LRRC4C: variants seen among roughly 807,000 people sequenced by gnomAD.
The protein encoded by LRRC4C is leucine rich repeat containing 4C.
Under a neutral mutation model 33.6 loss-of-function variants are expected in LRRC4C, and 5 were observed. That is an observed-to-expected ratio of 0.15 (90% CI 0.08 to 0.31). The LOEUF (loss-of-function observed/expected upper bound fraction) is 0.31. Ranked by LOEUF, LRRC4C falls within the 10% of genes least tolerant of loss-of-function variation. LRRC4C has a pLI of 1.00. For missense variants in LRRC4C, 560 were observed against 796.7 expected (o/e 0.70, Z 3.58); for synonymous variants, 329 against 302.0 (o/e 1.09, Z -0.93).
intron 2 of LRRC4C, among the ~76,000 whole-genome samples, chr11:40,778,837 T>C (rs990745024): frequency 2.0e-5 from 3 of 151,528 alleles, no homozygotes; most frequent in East Asian, 1.9e-4. Flanking sequence ...TATCCAATGG[T>C]ACCTAGAATT....
At chr11:40,528,965 T>C (rs1384234128) in intron 3 of LRRC4C, among the ~76,000 whole-genome samples, 4 of 152,034 alleles carry the variant, frequency 2.6e-5, no homozygotes, top group Non-Finnish European at 5.9e-5. Flanking sequence ...GAACAGAATA[T>C]AGGTTACCAG....
chr11:41,219,424 G>T (rs1160990246), intron 1 of LRRC4C, among the ~76,000 whole-genome samples: 2 of 152,192 alleles, frequency 1.3e-5, no homozygotes, highest in Non-Finnish European at 2.9e-5. Flanking sequence ...AAGAGTAAGA[G>T]AGGAAGTTTA....
intron 5 of LRRC4C, among the ~76,000 whole-genome samples, chr11:40,221,852 G>A (rs1864443419): frequency 6.6e-6 from 1 of 151,946 alleles, no homozygotes; most frequent in Non-Finnish European, 1.5e-5. Context: ...CCTCTCAAGT[G>A]CACCCCCTTA....
chr11:40,781,585 T>C (rs1950212307), intron 2 of LRRC4C, among the ~76,000 whole-genome samples: 1 of 152,182 alleles, frequency 6.6e-6, no homozygotes. Context: ...AATAGTTCCT[T>C]TACCTACAAG....
intron 1 of LRRC4C, among the ~76,000 whole-genome samples, chr11:41,279,275 T>G (rs1949578190): frequency 6.6e-6 from 1 of 151,874 alleles, no homozygotes; most frequent in South Asian, 2.1e-4. Flanking sequence ...AACATATGAG[T>G]GTTTTGTGTT....
chr11:40,721,456 A>G (rs1947009828), intron 2 of LRRC4C, among the ~76,000 whole-genome samples: 1 of 152,216 alleles, frequency 6.6e-6, no homozygotes, highest in Admixed American at 6.5e-5. Flanking sequence ...CACCCAGTCT[A>G]AGGTAATTTG....
At chr11:40,814,129 C>T (rs1240630385) in intron 2 of LRRC4C, among the ~76,000 whole-genome samples, 1 of 152,236 alleles carries the variant, frequency 6.6e-6, no homozygotes, top group African/African-American at 2.4e-5. Flanking sequence ...CCACATTTCC[C>T]TTCTGCCCTG....
At chr11:41,250,191 C>CA (rs1050621885) in intron 1 of LRRC4C, among the ~76,000 whole-genome samples, 6 of 151,780 alleles carry the variant, frequency 4.0e-5, no homozygotes, top group Non-Finnish European at 7.4e-5. Context: ...AAACAAACAA[C>CA]AAAAAAATAG....
intron 2 of LRRC4C, among the ~76,000 whole-genome samples, chr11:40,837,680 A>C (rs1952732400): frequency 1.4e-5 from 2 of 144,816 alleles, no homozygotes; most frequent in Admixed American, 1.4e-4. Flanking sequence ...TCTCTTCAAA[A>C]AAAAAAAAAA....
intron 3 of LRRC4C, among the ~76,000 whole-genome samples, chr11:40,644,854 A>G (rs1228490520): frequency 6.6e-6 from 1 of 152,100 alleles, no homozygotes. Flanking sequence ...GACCGTAGTA[A>G]TATCAATACT....
At chr11:41,302,744 G>T (rs1487269577) in intron 1 of LRRC4C, among the ~76,000 whole-genome samples, 1 of 152,098 alleles carries the variant, frequency 6.6e-6, no homozygotes, top group Non-Finnish European at 1.5e-5. Flanking sequence ...AATAATGCCA[G>T]ATTTTGAGCC....
intron 3 of LRRC4C, among the ~76,000 whole-genome samples, chr11:40,509,587 G>A (rs1039806757): frequency 7.9e-5 from 12 of 151,388 alleles, no homozygotes; most frequent in African/African-American, 2.9e-4. Context: ...TTATGTTTTC[G>A]GGACTGCCTT....
At chr11:40,362,827 T>C (rs1413246456) in intron 3 of LRRC4C, among the ~76,000 whole-genome samples, 1 of 152,166 alleles carries the variant, frequency 6.6e-6, no homozygotes, top group Non-Finnish European at 1.5e-5. Flanking sequence ...TCAACATCAC[T>C]GATCATTAGA....
chr11:40,495,078 C>A (rs1359152029), intron 3 of LRRC4C, among the ~76,000 whole-genome samples: 1 of 152,094 alleles, frequency 6.6e-6, no homozygotes, highest in Non-Finnish European at 1.5e-5. Flanking sequence ...GATAAGTGTC[C>A]ATTTTTAATC....
chr11:40,941,189 T>C (rs762033448), intron 1 of LRRC4C, among the ~76,000 whole-genome samples: 2 of 152,002 alleles, frequency 1.3e-5, no homozygotes, highest in Non-Finnish European at 2.9e-5. Context: ...CCTGAAATGA[T>C]CAAGAGAAAA....
At chr11:41,362,875 G>T (rs2137686948) in intron 1 of LRRC4C, among the ~76,000 whole-genome samples, 1 of 151,674 alleles carries the variant, frequency 6.6e-6, no homozygotes, top group Non-Finnish European at 1.5e-5. Flanking sequence ...GCTTCCTTCT[G>T]CTTCCATCTG....
At chr11:41,451,945 G>GA (rs578115664) in intron 1 of LRRC4C, among the ~76,000 whole-genome samples, 2,848 of 152,024 alleles carry the variant, frequency 0.019, 96 homozygotes, top group African/African-American at 0.065. Flanking sequence ...GTCTCCAACA[G>GA]CAAAAAATTA....
chr11:40,834,369 G>T (rs1377369251), intron 2 of LRRC4C, among the ~76,000 whole-genome samples: 1 of 151,846 alleles, frequency 6.6e-6, no homozygotes, highest in African/African-American at 2.4e-5. Context: ...TACTCAGGAG[G>T]CTGAGGCAGG....
intron 3 of LRRC4C, among the ~76,000 whole-genome samples, chr11:40,444,557 A>G (rs1235419346): frequency 2.0e-5 from 3 of 151,996 alleles, no homozygotes; most frequent in African/African-American, 4.8e-5. Flanking sequence ...ACAAAATCAT[A>G]TTTAAAAAGA....
Sources: gnomAD v4.1 joint callset for allele counts (sites outside exome capture counted in the v4.1 genomes callset) on GRCh38, gnomAD v4.1.1 for gene constraint, MANE v1.5 for transcripts, NCBI Gene and HGNC (gene_info 2026-07-23, HGNC 2026-07-21) for gene names.